APCDD1L: variants seen among roughly 807,000 people sequenced by gnomAD.
APCDD1L encodes APC down-regulated 1 like.
In APCDD1L, 21 loss-of-function variants were observed where a neutral mutation model predicts 24.2. The observed-to-expected ratio is 0.87, with a 90% CI of 0.61 to 1.25. The LOEUF (loss-of-function observed/expected upper bound fraction) is 1.25. APCDD1L is among the 50% of genes most tolerant of loss of function. The pLI is 0.00. For synonymous variants in APCDD1L, 321 were observed against 323.6 expected (o/e 0.99, Z 0.09); for missense variants, 704 against 711.7 (o/e 0.99, Z 0.12).
At chr20:58,477,443 C>A (rs1412676815) in intron 1 of APCDD1L, among the ~76,000 whole-genome samples, 1 of 152,164 alleles carries the variant, frequency 6.6e-6, no homozygotes, top group African/African-American at 2.4e-5. Context: ...TCTGCTCATG[C>A]GTTTCTGGTA....
intron 3 of APCDD1L, among the ~76,000 whole-genome samples, chr20:58,466,489 G>A (rs1989706671): frequency 6.6e-6 from 1 of 152,260 alleles, no homozygotes; most frequent in Admixed American, 6.5e-5. Context: ...ATTTCGAGGG[G>A]GTGGCATCTG....
rs2123125633 is a variant in APCDD1L at position 58,460,616 on chromosome 20, G to T, written c.*174C>A. 2.5e-6 allele frequency: 2 copies of T among 790,896 alleles called. No individual in the cohort carries two copies. Among genetic ancestry groups the T allele is most frequent in the Non-Finnish European group, 3.7e-6 (2 of 547,084 alleles). 49.0% of individuals were successfully genotyped at this position (790,896 alleles called of 1,614,324 possible). On this transcript the variant is annotated 3_prime_UTR_variant, in exon 4 of 4. Transcript: ENST00000371149. This position sits in a 1 kb window ranked among gnomAD's most constrained non-coding sequence, Gnocchi z 4.2. ...TGGGATGTGGTATAGGCTTTGCAGG[G>T]GTTAAGCTCATGTCCTGAGCCACAT...
At chr20:58,486,899 TCACCCA>T (rs1990129228) in intron 1 of APCDD1L, among the ~76,000 whole-genome samples, 1 of 135,054 alleles carries the variant, frequency 7.4e-6, no homozygotes. Flanking sequence ...TCTTGCTCTG[TCACCCA>T]GGCTGGAGTG....
chr20:58,464,013 C>T (rs1045004658), intron 3 of APCDD1L, among the ~76,000 whole-genome samples: 1 of 151,440 alleles, frequency 6.6e-6, no homozygotes, highest in Non-Finnish European at 1.5e-5. Context: ...GGGATTTGGG[C>T]CCAGAGAGCT....
Position 58,460,497 on chromosome 20 carries a change from G to A in APCDD1L, c.*293C>T, listed in dbSNP as rs1989573610. On this transcript the variant is annotated 3_prime_UTR_variant, in exon 4 of 4. Transcript: ENST00000371149. The surrounding 1 kb of genome is among the most constrained non-coding windows in gnomAD (Gnocchi z 4.2). ...CACCTGTTGGCGAGCTGCCAAGGATGAGGAAAGTAGAAAAATTGGGAGTGA... is the reference window on the plus strand; with the variant it reads ...CACCTGTTGGCGAGCTGCCAAGGATAAGGAAAGTAGAAAAATTGGGAGTGA... 3.6e-6 allele frequency: 1 copy of A among 279,806 alleles called. No homozygotes were observed. 17.3% of individuals were successfully genotyped at this position (279,806 alleles called of 1,614,324 possible).
intron 1 of APCDD1L, among the ~76,000 whole-genome samples, chr20:58,511,639 C>CTA (rs1990629657): frequency 1.3e-5 from 2 of 152,212 alleles, no homozygotes. Context: ...CACACAGTAG[C>CTA]AAGAGGAAGT....
At chr20:58,485,209 G>A (rs2123161306) in intron 1 of APCDD1L, among the ~76,000 whole-genome samples, 1 of 151,982 alleles carries the variant, frequency 6.6e-6, no homozygotes, top group East Asian at 1.9e-4. Flanking sequence ...TTTTAAATAT[G>A]TCTTGGTATA....
intron 3 of APCDD1L, among the ~76,000 whole-genome samples, chr20:58,464,889 T>C (rs6026289): frequency 0.68 from 102,841 of 150,514 alleles, 35,662 homozygotes; most frequent in South Asian, 0.81. Context: ...AGACGGGCCA[T>C]TGGTGAGCAG....
chr20:58,507,720 A>G (rs137962539), intron 1 of APCDD1L, among the ~76,000 whole-genome samples: 75 of 152,360 alleles, frequency 4.9e-4, no homozygotes, highest in African/African-American at 1.7e-3. Flanking sequence ...GTGAAAAAAC[A>G]GCAAGCTGAA....
chr20:58,463,900 G>C lies in APCDD1L; in HGVS notation c.742-2346C>G, dbSNP rs931526725. On this transcript the variant is annotated intron_variant, in intron 3 of 3. Coordinates refer to ENST00000371149, the MANE Select transcript of APCDD1L (RefSeq NM_153360.3). Reference sequence around the variant, plus strand: ...ATTGAGAACAGTTTTTTTTTGGGGGGGGGGGGCGTCACATTTTATAAGCTG... The same window carrying C: ...ATTGAGAACAGTTTTTTTTTGGGGGCGGGGGGCGTCACATTTTATAAGCTG... Among the ~76,000 whole-genome samples, 7 of 136,870 alleles carry C rather than the reference G, an allele frequency of 5.1e-5. 1 individual carries two copies. The highest frequency in any genetic ancestry group is 1.5e-4 in the Admixed American group (2 of 13,792). The allele number at this position is 136,870 out of a possible 152,430, so 89.8% of individuals were successfully genotyped here. A position where few individuals can be genotyped will look rare whatever the true frequency, so the allele number is the denominator to read the frequency against.
intron 1 of APCDD1L, among the ~76,000 whole-genome samples, chr20:58,482,148 TATTGAG>T (rs1568742346): frequency 1.3e-5 from 2 of 152,348 alleles, no homozygotes; most frequent in East Asian, 3.9e-4. Flanking sequence ...TCTTACATTG[TATTGAG>T]ATTAAGTTCG....
At chr20:58,503,175 G>T (rs1309275105) in intron 1 of APCDD1L, among the ~76,000 whole-genome samples, 2 of 152,228 alleles carry the variant, frequency 1.3e-5, no homozygotes, top group African/African-American at 2.4e-5. Flanking sequence ...TCTTCTCAGA[G>T]ATTTTGATGG....
At position 58,512,450 on chromosome 20, in the gene APCDD1L, G is replaced by A. The variant is rs181479216; in HGVS notation, c.49+2209C>T. On this transcript the variant is annotated intron_variant, in intron 1 of 3. Transcript: ENST00000371149. ...GAGGAGGTGCAACTGGCATCTGTAG[G>A]AAGAGGGCAGGGATACTGCTAAGCA... 3.9e-5 allele frequency among the ~76,000 whole-genome samples: 6 copies of A among 152,310 alleles called. No homozygotes were observed. In the East Asian group the frequency reaches 1.2e-3, roughly 29 times the overall value.
intron 1 of APCDD1L, among the ~76,000 whole-genome samples, chr20:58,474,153 A>G (rs1989864990): frequency 6.6e-6 from 1 of 152,246 alleles, no homozygotes; most frequent in African/African-American, 2.4e-5. Context: ...GCCCAAGGCC[A>G]GGTGCTTCAT....
chr20:58,461,465 G>A lies in APCDD1L; in HGVS notation c.831C>T (p.Pro277=), dbSNP rs538571959. 2.0e-6 allele frequency: 3 copies of A among 1,492,170 alleles called. No individual in the cohort carries two copies. Among genetic ancestry groups the A allele is most frequent in the African/African-American group, 2.8e-5 (2 of 71,752 alleles). 92.4% of individuals were successfully genotyped at this position (1,492,170 alleles called of 1,614,324 possible). ...PPVLPPPLAL[P]LHLGGWWVSS... Reference sequence around the variant, plus strand: ...TGACCCACCAGCCGCCCAGGTGCAGGGGCAGGGCCAGAGGGGGCGGCAGCA... The same window carrying A: ...TGACCCACCAGCCGCCCAGGTGCAGAGGCAGGGCCAGAGGGGGCGGCAGCA... The change falls in exon 4 of 4, where the codon CCC becomes CCT. Residue 277 remains proline (P), a synonymous_variant. Coordinates refer to ENST00000371149, the MANE Select transcript of APCDD1L (RefSeq NM_153360.3). The surrounding 1 kb of genome is among the most constrained non-coding windows in gnomAD (Gnocchi z 6.0).
chr20:58,476,501 T>C (rs1481035756), intron 1 of APCDD1L, among the ~76,000 whole-genome samples: 1 of 152,222 alleles, frequency 6.6e-6, no homozygotes, highest in Non-Finnish European at 1.5e-5. Context: ...AAATACTTAT[T>C]GAATGCCTGT....
In APCDD1L at chr20:58,479,562, TTTTATA is replaced by T. The variant is rs1344506309; in HGVS notation, c.50-8821_50-8816del. 7.2e-5 allele frequency among the ~76,000 whole-genome samples: 11 copies of T among 152,238 alleles called. No individual in the cohort carries two copies. The South Asian group carries it at 1.2e-3, about 17-fold the overall frequency. On this transcript the variant is annotated intron_variant, in intron 1 of 3. Transcript: ENST00000371149. ...CAAACAGTCCCTATCTGTTGCTCTG[TTTTATA>T]TACTGAGGTTTGGATTAAGATTTGC...
Position 58,460,709 on chromosome 20 carries a change from T to A in APCDD1L, c.*81A>T. 7.0e-7 allele frequency: 1 copy of A among 1,436,612 alleles called. No homozygotes were observed. Among genetic ancestry groups the A allele is most frequent in the East Asian group, 2.4e-5 (1 of 42,002 alleles). 89.0% of individuals were successfully genotyped at this position (1,436,612 alleles called of 1,614,324 possible). A position where few individuals can be genotyped will look rare whatever the true frequency, so the allele number is the denominator to read the frequency against. On this transcript the variant is annotated 3_prime_UTR_variant, in exon 4 of 4. Coordinates refer to ENST00000371149, the MANE Select transcript of APCDD1L (RefSeq NM_153360.3). The surrounding 1 kb of genome is among the most constrained non-coding windows in gnomAD (Gnocchi z 4.2). The stretch of plus-strand genomic sequence containing the variant: ...TCCATGACAGAGCAGAGGAGAATGG[T>A]TCCTTCCCTACAGCTGCCAGGAGGG...
intron 1 of APCDD1L, among the ~76,000 whole-genome samples, chr20:58,490,864 T>A (rs1990212896): frequency 6.6e-6 from 1 of 152,202 alleles, no homozygotes. Context: ...TATAGGCCAA[T>A]CGCATTTATG....
Sources: allele counts gnomAD v4.1 joint callset (sites outside exome capture counted in the v4.1 genomes callset), GRCh38; gene constraint gnomAD v4.1.1; non-coding constraint Gnocchi (gnomAD v3.1); transcripts MANE v1.5; gene names NCBI Gene and HGNC (gene_info 2026-07-23, HGNC 2026-07-21).